The following ERG28 variants were observed in gnomAD, a reference collection of about 807,000 sequenced individuals.
The protein encoded by ERG28 is ergosterol biosynthesis 28 homolog.
In ERG28, 9 loss-of-function variants were observed where a neutral mutation model predicts 15.7. The ratio of observed to expected loss-of-function variants is 0.57; its 90% CI spans 0.35 to 1.00. The LOEUF (loss-of-function observed/expected upper bound fraction) is 1.00, where lower values mean the gene tolerates loss of function less well. Ranked by LOEUF, ERG28 falls within the 50% of genes least tolerant of loss-of-function variation. The probability of loss-of-function intolerance (pLI) is 0.02; values close to 1 mark genes in which losing one functional copy is unlikely to be tolerated. For synonymous variants in ERG28, 61 were observed against 68.4 expected, an observed-to-expected ratio of 0.89 and a Z score of 0.53; for missense variants, 117 against 173.3, an observed-to-expected ratio of 0.68 and a Z score of 1.82.
At position 75,651,581 on chromosome 14, in the gene ERG28, C is replaced by T. The variant is rs183825619; in HGVS notation, c.397G>A (p.Val133Ile). 44 of 1,613,336 alleles carry T rather than the reference C, an allele frequency of 2.7e-5. No individual in the cohort carries two copies. The East Asian group carries it at 9.6e-4, about 35-fold the overall frequency. Residue 133 changes from valine to isoleucine, a missense_variant, in exon 5 of 5, where the codon GTA becomes ATA. By Grantham distance (29) the Val-to-Ile change is conservative. Coordinates refer to ENST00000256319, the MANE Select transcript of ERG28 (RefSeq NM_007176.4). ...VGLRYLEVEPVSRQKKRN is the reference protein window; with the variant it reads ...VGLRYLEVEPISRQKKRN ...CAGTTTCTCTTCTTCTGTCTGGATA[C>T]TGGTTCTACTTCTAGATACCGGAGC... is the stretch of plus-strand genomic sequence containing the variant.
intron 3 of ERG28, among the ~76,000 whole-genome samples, chr14:75,653,418 A>G (rs1890555475): frequency 1.3e-5 from 2 of 151,822 alleles, no homozygotes; most frequent in Admixed American, 1.3e-4. Flanking sequence ...CCTGGCCAAC[A>G]TGGTGAGAAC....
chr14:75,657,641 C>T (rs533300450), intron 1 of ERG28, 108 bp from the exon 2 acceptor site: 9 of 955,514 alleles, frequency 9.4e-6, no homozygotes, highest in African/African-American at 1.7e-5. Context: ...TTCAGTCACA[C>T]TAATAGTGGT....
In ERG28 at chr14:75,657,373, G is replaced by A; in HGVS notation, c.130C>T (p.Leu44Phe). 4 of 1,614,050 alleles carry A rather than the reference G, an allele frequency of 2.5e-6. No homozygotes were observed. The highest frequency in any genetic ancestry group is 3.4e-6 in the Non-Finnish European group (4 of 1,179,938). ...CAGAAATTCTTTGATTTCTTACCAA[G>A]GTTTGGCTTGCCAGTGTAGAGCTTT... The part of the protein sequence containing the change: ...YEKLYTGKPN[L>F]VNGLQARTFG... The change falls in exon 2 of 5, where the codon CTT becomes TTT. Residue 44 changes from leucine (L) to phenylalanine (F), a missense_variant. Transcript: ENST00000256319.
chr14:75,660,260 G>A (rs561100604), intron 1 of ERG28, among the ~76,000 whole-genome samples: 24 of 152,294 alleles, frequency 1.6e-4, no homozygotes, highest in African/African-American at 5.1e-4. Context: ...TAAAGCTTAA[G>A]GGCCTCTTAG....
At chr14:75,652,869 G>A (rs1484846908) in intron 3 of ERG28, among the ~76,000 whole-genome samples, 1 of 137,630 alleles carries the variant, frequency 7.3e-6, no homozygotes, top group Non-Finnish European at 1.5e-5. Context: ...TGTCTCTCAG[G>A]CTGGAGTGCA....
In ERG28 at chr14:75,651,544, T is replaced by C; in HGVS notation, c.*11A>G. 2 of 1,603,396 alleles carry C rather than the reference T, an allele frequency of 1.2e-6. No homozygotes were observed. Among genetic ancestry groups the C allele is most frequent in the Non-Finnish European group, 8.5e-7 (1 of 1,170,980 alleles). On this transcript the variant is annotated 3_prime_UTR_variant, in exon 5 of 5. Transcript: ENST00000256319. ...GAAAACGAGAAAGTCCTGGAGGTGA[T>C]AATGCTGGCCTCAGTTTCTCTTCTT...
At chr14:75,655,358 G>A (rs1347817283) in intron 2 of ERG28, among the ~76,000 whole-genome samples, 2 of 152,222 alleles carry the variant, frequency 1.3e-5, no homozygotes, top group Admixed American at 1.3e-4. Context: ...AGATGCCCAG[G>A]AGGCCAGCAG....
chr14:75,657,602 G>T, intron 1 of ERG28, 69 bp from the exon 2 acceptor site: 1 of 1,456,356 alleles, frequency 6.9e-7, no homozygotes, highest in African/African-American at 1.4e-5. Context: ...CAGGAAGGGA[G>T]GAAGAATGAA....
chr14:75,659,780 G>T (rs1193975940), intron 1 of ERG28, among the ~76,000 whole-genome samples: 10 of 152,010 alleles, frequency 6.6e-5, no homozygotes, highest in Non-Finnish European at 4.4e-5. Flanking sequence ...TGTCACTTTG[G>T]CAATACAAGT....
chr14:75,659,280 A>G (rs1211413184), intron 1 of ERG28, among the ~76,000 whole-genome samples: 2 of 152,360 alleles, frequency 1.3e-5, no homozygotes, highest in East Asian at 1.9e-4. Context: ...AAAGAAAAGC[A>G]TACCATATCC....
intron 2 of ERG28, among the ~76,000 whole-genome samples, chr14:75,655,622 A>C (rs1372599972): frequency 1.3e-5 from 2 of 152,182 alleles, no homozygotes; most frequent in Non-Finnish European, 2.9e-5. Context: ...TCTTGTCCTG[A>C]AAGTATAGGT....
intron 1 of ERG28, among the ~76,000 whole-genome samples, chr14:75,659,767 C>T (rs1379983691): frequency 1.3e-5 from 2 of 152,102 alleles, no homozygotes; most frequent in African/African-American, 2.4e-5. Context: ...AACAGGCTTT[C>T]TTTGTCACTT....
chr14:75,652,542 A>G (rs1890540853), intron 3 of ERG28, among the ~76,000 whole-genome samples: 2 of 152,224 alleles, frequency 1.3e-5, no homozygotes, highest in Non-Finnish European at 2.9e-5. Flanking sequence ...GTTTGCTGAT[A>G]TCTTTTTAGT....
intron 2 of ERG28, among the ~76,000 whole-genome samples, chr14:75,655,941 T>A (rs1264169843): frequency 1.3e-5 from 2 of 152,204 alleles, no homozygotes; most frequent in Admixed American, 6.5e-5. Context: ...AGTCTACTAA[T>A]GTTTACTTGG....
In ERG28 at chr14:75,651,761, G is replaced by A. The variant is rs756838736; in HGVS notation, c.343+10C>T. ...CTCCTGTAGGAGGTCTAGGGTGGTTGGATGCTTACTTGCCACCATCAGGGG... is the reference window on the plus strand; with the variant it reads ...CTCCTGTAGGAGGTCTAGGGTGGTTAGATGCTTACTTGCCACCATCAGGGG... On this transcript the variant is annotated intron_variant, in intron 4 of 4. Coordinates refer to ENST00000256319, the MANE Select transcript of ERG28 (RefSeq NM_007176.4). The A allele has an allele frequency of 5.6e-6, 9 of 1,606,682 alleles. No individual in the cohort carries two copies. The highest frequency in any genetic ancestry group is 5.5e-5 in the South Asian group (5 of 90,914).
Position 75,650,859 on chromosome 14 carries a change from C to G in ERG28, c.*696G>C, listed in dbSNP as rs1419173701. The stretch of plus-strand genomic sequence containing the variant: ...AGGGCTCAGAGGAGGCAGCCATGCT[C>G]TTGTCTTAGCAGAGGTCAAAGTACA... On this transcript the variant is annotated 3_prime_UTR_variant, in exon 5 of 5. Transcript: ENST00000256319. 3.9e-5 allele frequency: 6 copies of G among 152,386 alleles called. No homozygotes were observed. The highest frequency in any genetic ancestry group is 3.9e-4 in the Admixed American group (6 of 15,284). 9.4% of individuals were successfully genotyped at this position (152,386 alleles called of 1,614,324 possible).
chr14:75,651,295 T>C lies in ERG28; in HGVS notation c.*260A>G. The C allele has an allele frequency of 3.2e-6, 1 of 311,474 alleles. No individual in the cohort carries two copies. The highest frequency in any genetic ancestry group is 2.1e-5 in the African/African-American group (1 of 47,128). 19.3% of individuals were successfully genotyped at this position (311,474 alleles called of 1,614,324 possible). On this transcript the variant is annotated 3_prime_UTR_variant, in exon 5 of 5. Coordinates refer to ENST00000256319, the MANE Select transcript of ERG28 (RefSeq NM_007176.4). ...TTGCAGGTAGGGGAAGGAGACACAGTGGGCTTCCGAGAAGCTGGCAATTTC... is the reference window on the plus strand; with the variant it reads ...TTGCAGGTAGGGGAAGGAGACACAGCGGGCTTCCGAGAAGCTGGCAATTTC...
In ERG28 at chr14:75,651,143, CACA is replaced by C; in HGVS notation, c.*409_*411del. ...ACAACCCCTTGAGGCAGCCCTTGGT[CACA>C]GCTGCTCTGGGTGGGCAGCAGGTTT... On this transcript the variant is annotated 3_prime_UTR_variant, in exon 5 of 5. Coordinates refer to ENST00000256319, the MANE Select transcript of ERG28 (RefSeq NM_007176.4). 6.1e-5 allele frequency: 10 copies of C among 163,952 alleles called. No individual in the cohort carries two copies. Among genetic ancestry groups the C allele is most frequent in the Admixed American group, 2.3e-4 (4 of 17,436 alleles). The allele number at this position is 163,952 out of a possible 1,614,324, so 10.2% of individuals were successfully genotyped here. A position where few individuals can be genotyped will look rare whatever the true frequency, so the allele number is the denominator to read the frequency against.
At chr14:75,655,097 G>A (rs2140064324) in intron 2 of ERG28, 121 bp from the exon 3 acceptor site, 2 of 912,656 alleles carry the variant, frequency 2.2e-6, no homozygotes, top group South Asian at 2.7e-5. Context: ...CTCTGTGGCT[G>A]GGCAGGATGG....
Sources: gnomAD v4.1 joint callset for allele counts (sites outside exome capture counted in the v4.1 genomes callset) on GRCh38, gnomAD v4.1.1 for gene constraint, MANE v1.5 for transcripts, NCBI Gene and HGNC (gene_info 2026-07-23, HGNC 2026-07-21) for gene names.